ZNF277: variants seen among roughly 807,000 people sequenced by gnomAD.
The protein encoded by ZNF277 is zinc finger protein 277, also known as nuclear receptor-interacting factor 4.
ZNF277 carries 55 observed loss-of-function variants against 60.7 expected under a neutral mutation model. That is an observed-to-expected ratio of 0.91 (90% CI 0.73 to 1.13). The LOEUF is 1.13. ZNF277 is among the 50% of genes most tolerant of loss of function. ZNF277 has a pLI of 0.00. For synonymous variants in ZNF277, 178 were observed against 179.3 expected (o/e 0.99, Z 0.06); for missense variants, 510 against 523.0 (o/e 0.98, Z 0.24).
chr7:112,325,706 C>T (rs1793078062), intron 5 of ZNF277, among the ~76,000 whole-genome samples: 1 of 152,194 alleles, frequency 6.6e-6, no homozygotes, highest in Non-Finnish European at 1.5e-5. Context: ...CCTGAGCCAG[C>T]TCTTGGTCCA....
At chr7:112,301,719 A>G (rs891525118) in intron 4 of ZNF277, among the ~76,000 whole-genome samples, 7 of 152,194 alleles carry the variant, frequency 4.6e-5, no homozygotes, top group South Asian at 2.1e-4. Context: ...AGTTCTATTA[A>G]CACACTATTT....
intron 1 of ZNF277, among the ~76,000 whole-genome samples, chr7:112,251,280 G>A (rs1357289237): frequency 6.6e-6 from 1 of 152,118 alleles, no homozygotes; most frequent in Non-Finnish European, 1.5e-5. Context: ...AGCCTCATTG[G>A]GGATGAAGGA....
In ZNF277 at chr7:112,343,340, G is replaced by A. The variant is rs924127721; in HGVS notation, c.*611G>A. On this transcript the variant is annotated 3_prime_UTR_variant, in exon 12 of 12. Transcript: ENST00000361822. ...CAAATTCCCTAGAAATAGACATCAA[G>A]CCAGTTAACTTCACTTTTCCCTGCA... 1.3e-5 allele frequency among the ~76,000 whole-genome samples: 2 copies of A among 152,152 alleles called. No individual in the cohort carries two copies. The highest frequency in any genetic ancestry group is 6.5e-5 in the Admixed American group (1 of 15,282).
At chr7:112,275,124 C>T (rs1047893892) in intron 1 of ZNF277, among the ~76,000 whole-genome samples, 7 of 152,172 alleles carry the variant, frequency 4.6e-5, no homozygotes, top group Non-Finnish European at 1.0e-4. Flanking sequence ...TTCCCCTTTA[C>T]TGTTGAAAAA....
At chr7:112,249,141 G>A (rs1587115708) in intron 1 of ZNF277, among the ~76,000 whole-genome samples, 1 of 152,108 alleles carries the variant, frequency 6.6e-6, no homozygotes. Context: ...ACAGACCAGA[G>A]GTTCAACTGT....
intron 4 of ZNF277, among the ~76,000 whole-genome samples, chr7:112,314,543 C>T (rs1266388900): frequency 1.3e-5 from 2 of 152,102 alleles, no homozygotes; most frequent in Non-Finnish European, 2.9e-5. Flanking sequence ...CTATAAAGCC[C>T]AGCCCTTTGG....
chr7:112,208,568 A>G (rs991393284), intron 1 of ZNF277, among the ~76,000 whole-genome samples: 1 of 150,430 alleles, frequency 6.6e-6, no homozygotes, highest in Non-Finnish European at 1.5e-5. Flanking sequence ...AGTTTGGTAC[A>G]TATTCTTTCC....
intron 1 of ZNF277, among the ~76,000 whole-genome samples, chr7:112,265,389 G>A (rs189654989): frequency 2.9e-4 from 44 of 152,188 alleles, no homozygotes; most frequent in African/African-American, 8.2e-4. Flanking sequence ...GAACACACAC[G>A]TTTATCTTAA....
chr7:112,207,525 T>G (rs1385816074), intron 1 of ZNF277, among the ~76,000 whole-genome samples: 1 of 152,202 alleles, frequency 6.6e-6, no homozygotes, highest in African/African-American at 2.4e-5. Flanking sequence ...CCATCACAAC[T>G]TTGGCTGTAC....
At chr7:112,231,111 G>A (rs1822314727) in intron 1 of ZNF277, among the ~76,000 whole-genome samples, 1 of 151,976 alleles carries the variant, frequency 6.6e-6, no homozygotes, top group Non-Finnish European at 1.5e-5. Context: ...CTACTCAGGA[G>A]GCTGAGGCAG....
chr7:112,338,530 TC>T (rs796977325), intron 9 of ZNF277, among the ~76,000 whole-genome samples: 4 of 152,164 alleles, frequency 2.6e-5, no homozygotes, highest in African/African-American at 9.6e-5. Flanking sequence ...CTGATATCTC[TC>T]CGTCCCCTCC....
At position 112,208,674 on chromosome 7, in the gene ZNF277, A is replaced by ATTTTTTTTTTTTTTTTTTTT. The variant is rs869082099; in HGVS notation, c.91+1872_91+1891dup. On this transcript the variant is annotated intron_variant, in intron 1 of 11. Transcript: ENST00000361822. The stretch of plus-strand genomic sequence containing the variant: ...ATATGACACACGTCTGTATGATTTG[A>ATTTTTTTTTTTTTTTTTTTT]TTTTTTTTTTTTTTTTTTTTTTTTG... Among the ~76,000 whole-genome samples, 8 of 72,808 alleles carry ATTTTTTTTTTTTTTTTTTTT rather than the reference A, an allele frequency of 1.1e-4. 1 individual carries two copies. The highest frequency in any genetic ancestry group is 3.6e-4 in the African/African-American group (6 of 16,736). The allele number at this position is 72,808 out of a possible 152,430, so 47.8% of individuals were successfully genotyped here.
chr7:112,280,575 T>C (rs912562340), intron 1 of ZNF277, among the ~76,000 whole-genome samples: 1 of 152,164 alleles, frequency 6.6e-6, no homozygotes, highest in Non-Finnish European at 1.5e-5. Context: ...CTTCCTTTTG[T>C]ATTTTAGGGT....
rs189221813 is a variant in ZNF277 at position 112,229,381 on chromosome 7, C to T, written c.91+22574C>T. Reference sequence around the variant, plus strand: ...AGAAGAGTCAGATGCCATACAAGGACATTTCAGAAACTCTTCTTAAAGCTG... The same window carrying T: ...AGAAGAGTCAGATGCCATACAAGGATATTTCAGAAACTCTTCTTAAAGCTG... On this transcript the variant is annotated intron_variant, in intron 1 of 11. Transcript: ENST00000361822. 6.9e-4 allele frequency among the ~76,000 whole-genome samples: 105 copies of T among 152,270 alleles called. 2 individuals are homozygous for T. The highest frequency in any genetic ancestry group is 2.5e-3 in the African/African-American group (102 of 41,536).
chr7:112,277,230 C>T (rs972309318), intron 1 of ZNF277, among the ~76,000 whole-genome samples: 5 of 151,838 alleles, frequency 3.3e-5, no homozygotes, highest in Admixed American at 1.3e-4. Context: ...ACTACAGGCG[C>T]GTGCCACCAG....
chr7:112,266,191 G>C (rs996274844), intron 1 of ZNF277, among the ~76,000 whole-genome samples: 10 of 151,760 alleles, frequency 6.6e-5, no homozygotes, highest in African/African-American at 2.4e-4. Flanking sequence ...TGTCACCCAG[G>C]CTGGAGTGTA....
chr7:112,285,797 A>G (rs994315106), intron 1 of ZNF277, among the ~76,000 whole-genome samples: 13 of 152,270 alleles, frequency 8.5e-5, no homozygotes, highest in Middle Eastern at 3.4e-3. Context: ...AATTAAGAAA[A>G]CCTTTAAAAA....
Position 112,286,846 on chromosome 7 carries a change from T to C in ZNF277, c.92-27T>C, listed in dbSNP as rs770656313. 9.6e-5 allele frequency: 113 copies of C among 1,177,686 alleles called. No individual in the cohort carries two copies. The East Asian group carries it at 1.1e-3, about 11-fold the overall frequency. The allele number at this position is 1,177,686 out of a possible 1,614,324, so 73.0% of individuals were successfully genotyped here. A position where few individuals can be genotyped will look rare whatever the true frequency, so the allele number is the denominator to read the frequency against. On this transcript the variant is annotated intron_variant, in intron 1 of 11. Transcript: ENST00000361822. ...GTTTCAGCTTTTCTTTCTTTCTTTT[T>C]TTTTTTTTTTTTTTGGTCTATTCCA...
intron 4 of ZNF277, among the ~76,000 whole-genome samples, chr7:112,301,565 T>C (rs1308694556): frequency 6.6e-6 from 1 of 152,166 alleles, no homozygotes; most frequent in African/African-American, 2.4e-5. Context: ...ATCAAGTATG[T>C]TAGGTACTTT....
Sources: allele counts gnomAD v4.1 joint callset (sites outside exome capture counted in the v4.1 genomes callset), GRCh38; gene constraint gnomAD v4.1.1; transcripts MANE v1.5; gene names NCBI Gene and HGNC (gene_info 2026-07-23, HGNC 2026-07-21).